The following GSDMD variants were observed in gnomAD, a reference collection of about 807,000 sequenced individuals.
GSDMD encodes the protein gasdermin D.
Under a neutral mutation model 46.7 loss-of-function variants are expected in GSDMD, and 46 were observed. The observed-to-expected ratio is 0.99, with a 90% CI of 0.78 to 1.26. The LOEUF (loss-of-function observed/expected upper bound fraction) is 1.26, where lower values mean the gene tolerates loss of function less well. Ranked by LOEUF, GSDMD falls within the 50% of genes most tolerant of loss-of-function variation. The probability of loss-of-function intolerance (pLI) is 0.00; values close to 1 mark genes in which losing one functional copy is unlikely to be tolerated. For synonymous variants in GSDMD, 307 were observed against 283.1 expected (o/e 1.08, Z -0.85); for missense variants, 649 against 638.8 (o/e 1.02, Z -0.17).
chr8:143,562,634 C>G, intron 10 of GSDMD, 28 bp from the exon 11 acceptor site: 1 of 1,601,910 alleles, frequency 6.2e-7, no homozygotes, highest in South Asian at 1.1e-5. Context: ...ATTTCCCCAT[C>G]TGACTCACTC....
chr8:143,558,280 G>C (rs1563903582), upstream of GSDMD: 3 of 1,475,794 alleles, frequency 2.0e-6, no homozygotes, highest in Non-Finnish European at 2.7e-6. Context: ...GGGGCAGGAA[G>C]GGGGCCGGGG....
upstream of GSDMD, among the ~76,000 whole-genome samples, chr8:143,554,758 G>A (rs542385824): frequency 4.1e-5 from 6 of 146,660 alleles, no homozygotes; most frequent in Non-Finnish European, 6.0e-5. Context: ...GCATGCACAC[G>A]CGCACAACAG....
rs754998794 is a variant in GSDMD at position 143,560,739 on chromosome 8, C to T, written c.547C>T (p.Arg183Trp). 19 of 1,561,500 alleles carry T rather than the reference C, an allele frequency of 1.2e-5. No individual in the cohort carries two copies. The highest frequency in any genetic ancestry group is 5.7e-5 in the Admixed American group (3 of 52,458). Residue 183 changes from arginine (R) to tryptophan (W), a missense_variant, in exon 4 of 11, where the codon CGG (arginine) becomes TGG (tryptophan). Physicochemically the swap from Arg to Trp is moderately radical, Grantham distance 101. Transcript: ENST00000262580. ...TRTHKREGSG[R>W]FSLPGATCLQ... ...CACCCACAAGCGGGAGGGCTCGGGC[C>T]GGTTTTCCCTGCCCGGAGCCACGTG...
Position 143,561,944 on chromosome 8 carries a change from C to T in GSDMD, c.824-15C>T. 1 of 1,607,672 alleles carries T rather than the reference C, an allele frequency of 6.2e-7. No homozygotes were observed. The highest frequency in any genetic ancestry group is 1.7e-4 in the Middle Eastern group (1 of 6,034). On this transcript the variant is annotated splice_polypyrimidine_tract_variant and intron_variant, in intron 7 of 10. Transcript: ENST00000262580. Reference sequence around the variant, plus strand: ...TGTAAGCACCTGGGCAGTGCCAGCCCTTCTGTCCCTACAGATGGGGTCCCT... The same window carrying T: ...TGTAAGCACCTGGGCAGTGCCAGCCTTTCTGTCCCTACAGATGGGGTCCCT...
intron 1 of GSDMD, chr8:143,559,056 C>A: frequency 1.7e-6 from 1 of 574,914 alleles, no homozygotes; most frequent in South Asian, 2.0e-5. Flanking sequence ...TGGACAGAGC[C>A]CTCTGTGTTA....
chr8:143,561,006 A>G lies in GSDMD; in HGVS notation c.584A>G (p.Glu195Gly). 1.9e-6 allele frequency: 3 copies of G among 1,610,244 alleles called. No homozygotes were observed. The highest frequency in any genetic ancestry group is 2.5e-6 in the Non-Finnish European group (3 of 1,178,318). The change falls in exon 5 of 11, where the codon GAG becomes GGG. Residue 195 changes from glutamate to glycine, a missense_variant. Coordinates refer to ENST00000262580, the MANE Select transcript of GSDMD (RefSeq NM_024736.7). ...GAGCCCATCTCCATGCCTCAGGGTG[A>G]GGGCCAGGGCCATCTGAGCCAGAAG... is the stretch of plus-strand genomic sequence containing the variant. ...SLPGATCLQG[E>G]GQGHLSQKKT...
upstream of GSDMD, chr8:143,557,889 T>C (rs1443456553): frequency 2.3e-6 from 1 of 441,042 alleles, no homozygotes. Flanking sequence ...AGGCCCAAAG[T>C]TGTTTGTTTG....
chr8:143,562,552 A>G (rs1345045557), intron 10 of GSDMD, 31 bp downstream of exon 10: 1 of 1,602,430 alleles, frequency 6.2e-7, no homozygotes, highest in Admixed American at 1.7e-5. Flanking sequence ...CTGCAGGAGG[A>G]TGGGCTGAGC....
chr8:143,558,228 G>A (rs899261032), upstream of GSDMD: 37 of 1,250,450 alleles, frequency 3.0e-5, no homozygotes, highest in Middle Eastern at 5.1e-4. Flanking sequence ...AGGTTCCTCC[G>A]GACGCGCGAG....
upstream of GSDMD, among the ~76,000 whole-genome samples, chr8:143,555,739 T>C (rs1480120288): frequency 1.3e-5 from 2 of 152,158 alleles, no homozygotes; most frequent in Admixed American, 1.3e-4. Context: ...CCCAGCAGTG[T>C]GTCCTGAGAT....
chr8:143,554,071 G>A (rs1478296837), upstream of GSDMD, among the ~76,000 whole-genome samples: 2 of 152,244 alleles, frequency 1.3e-5, no homozygotes, highest in African/African-American at 4.8e-5. Context: ...CAGCGAGGCT[G>A]TACAGGGCTT....
intron 3 of GSDMD, 92 bp from the exon 4 acceptor site, chr8:143,560,511 C>T (rs1823426678): frequency 1.7e-5 from 24 of 1,393,578 alleles, no homozygotes; most frequent in Non-Finnish European, 2.1e-5. Context: ...GGCCCCTCTG[C>T]ACCACCTCCC....
intron 1 of GSDMD, 52 bp from the exon 2 acceptor site, chr8:143,559,280 T>TTGGCCCCCC: frequency 8.6e-6 from 5 of 579,428 alleles, no homozygotes; most frequent in Non-Finnish European, 9.7e-6. Flanking sequence ...CTTCTCCCAC[T>TTGGCCCCCC]CCCTCCCGCC....
chr8:143,557,920 AGTCTCACTCT>A (rs1823346759), upstream of GSDMD: 1 of 446,700 alleles, frequency 2.2e-6, no homozygotes, highest in Non-Finnish European at 4.5e-6. Flanking sequence ...TTTGAGACGG[AGTCTCACTCT>A]GTCGCCCAGG....
intron 3 of GSDMD, 144 bp from the exon 4 acceptor site, chr8:143,560,459 C>A (rs572691507): frequency 3.6e-6 from 3 of 837,378 alleles, no homozygotes; most frequent in Admixed American, 5.6e-5. Flanking sequence ...GGGGAGCACA[C>A]GGAGAGGCTG....
In GSDMD at chr8:143,561,364, T is replaced by C. The variant is rs771087871; in HGVS notation, c.683-6T>C. ...CTGTCCCTGTCTGCTCCCGTCTGGC[T>C]GCCAGACGTCCTTCTCTTCCCGGAT... On this transcript the variant is annotated splice_region_variant and splice_polypyrimidine_tract_variant and intron_variant, in intron 5 of 10. Transcript: ENST00000262580. 1 of 1,605,238 alleles carries C rather than the reference T, an allele frequency of 6.2e-7. No individual in the cohort carries two copies. The highest frequency in any genetic ancestry group is 1.3e-5 in the African/African-American group (1 of 74,768).
In GSDMD at chr8:143,561,847, G is replaced by A. The variant is rs774809327; in HGVS notation, c.823+19G>A. ...CTGACAGGTCAGTGCCCTCCTGACC[G>A]CCCCGGGGACCTTTGGTGGGCTCTC... On this transcript the variant is annotated intron_variant, in intron 7 of 10. Transcript: ENST00000262580. The A allele has an allele frequency of 7.5e-6, 12 of 1,608,614 alleles. No homozygotes were observed. The highest frequency in any genetic ancestry group is 2.2e-5 in the East Asian group (1 of 44,790).
chr8:143,553,645 C>T (rs1356545086), upstream of GSDMD: 2 of 147,448 alleles, frequency 1.4e-5, no homozygotes, highest in African/African-American at 2.4e-5. Flanking sequence ...CGGCCTCCCT[C>T]CCTCCTCCCA....
At position 143,559,778 on chromosome 8, in the gene GSDMD, C is replaced by T. The variant is rs746252969; in HGVS notation, c.219C>T (p.Asp73=). 22 of 1,591,150 alleles carry T rather than the reference C, an allele frequency of 1.4e-5. No individual in the cohort carries two copies. In the Middle Eastern group the frequency reaches 5.7e-4, roughly 41 times the overall value. Residue 73 remains aspartate, a splice_region_variant and synonymous_variant, in exon 3 of 11, where the codon GAC becomes GAT. Coordinates refer to ENST00000262580, the MANE Select transcript of GSDMD (RefSeq NM_024736.7). ...DILEPDAAEP[D]VQRGRSFHFY... ...GCCTCAGGTCTGGCCTTGCTTTAGACGTGCAGCGTGGCAGGAGCTTCCACT... is the reference window on the plus strand; with the variant it reads ...GCCTCAGGTCTGGCCTTGCTTTAGATGTGCAGCGTGGCAGGAGCTTCCACT...
Sources: allele counts gnomAD v4.1 joint callset (sites outside exome capture counted in the v4.1 genomes callset), GRCh38; gene constraint gnomAD v4.1.1; transcripts MANE v1.5; gene names NCBI Gene and HGNC (gene_info 2026-07-23, HGNC 2026-07-21).